RNF145: variants seen among roughly 807,000 people sequenced by gnomAD.
The protein encoded by RNF145 is ring finger protein 145.
Under a neutral mutation model 57.3 loss-of-function variants are expected in RNF145, and 12 were observed. The observed-to-expected ratio is 0.21, with a 90% CI of 0.13 to 0.34. The LOEUF (loss-of-function observed/expected upper bound fraction) is 0.34, where lower values mean the gene tolerates loss of function less well. Among genes scored for constraint, RNF145 ranks in the 10% least tolerant of loss-of-function variants. The pLI, the probability that RNF145 is intolerant of heterozygous loss-of-function variation, is 1.00. For synonymous variants in RNF145, 262 were observed against 288.3 expected (o/e 0.91, Z 0.92); for missense variants, 429 against 799.0 (o/e 0.54, Z 5.58).
upstream of RNF145, chr5:159,209,734 G>C: frequency 8.9e-7 from 1 of 1,129,628 alleles, no homozygotes; most frequent in East Asian, 2.6e-5. Flanking sequence ...GGCTCGGGTG[G>C]CTATGGAGAG....
chr5:159,208,241 G>A, intron 1 of RNF145: 2 of 996,108 alleles, frequency 2.0e-6, no homozygotes, highest in Non-Finnish European at 2.7e-6. Context: ...CCGCCGCCGC[G>A]GGGCTAAGAG....
intron 4 of RNF145, among the ~76,000 whole-genome samples, chr5:159,178,761 T>TA (rs1464902638): frequency 6.6e-6 from 1 of 151,950 alleles, no homozygotes; most frequent in Non-Finnish European, 1.5e-5. Flanking sequence ...TTCCAAAATG[T>TA]AAAAAAATCA....
At chr5:159,200,137 C>A (rs1785612266) in intron 2 of RNF145, among the ~76,000 whole-genome samples, 1 of 151,850 alleles carries the variant, frequency 6.6e-6, no homozygotes, top group Non-Finnish European at 1.5e-5. Flanking sequence ...CCACCTGCCC[C>A]CAAAATTAGT....
chr5:159,204,491 T>G (rs755086338), intron 1 of RNF145, among the ~76,000 whole-genome samples: 3 of 151,858 alleles, frequency 2.0e-5, no homozygotes, highest in Admixed American at 6.6e-5. Context: ...GAACTTCAAA[T>G]TAATCCAAAA....
At chr5:159,200,302 C>A (rs1189041412) in intron 2 of RNF145, among the ~76,000 whole-genome samples, 1 of 151,790 alleles carries the variant, frequency 6.6e-6, no homozygotes, top group Non-Finnish European at 1.5e-5. Context: ...AAGGGACTAA[C>A]CCTGTTAGAC....
intron 3 of RNF145, among the ~76,000 whole-genome samples, chr5:159,187,629 T>A (rs1020536828): frequency 6.6e-6 from 1 of 152,130 alleles, no homozygotes; most frequent in Non-Finnish European, 1.5e-5. Context: ...TCCCGGCCTA[T>A]CTATAGTAGT....
chr5:159,168,466 T>G (rs532704684), intron 8 of RNF145, among the ~76,000 whole-genome samples: 2 of 152,296 alleles, frequency 1.3e-5, no homozygotes, highest in South Asian at 2.1e-4. Flanking sequence ...CATTTGCATT[T>G]CACTTAATGC....
At chr5:159,175,836 G>C (rs1784704544) in intron 5 of RNF145, among the ~76,000 whole-genome samples, 2 of 152,130 alleles carry the variant, frequency 1.3e-5, no homozygotes, top group South Asian at 4.1e-4. Context: ...TGTACCTTAA[G>C]GACACAGTCA....
intron 2 of RNF145, among the ~76,000 whole-genome samples, chr5:159,202,798 A>AT (rs1785715539): frequency 6.6e-6 from 1 of 152,100 alleles, no homozygotes; most frequent in Non-Finnish European, 1.5e-5. Flanking sequence ...TTCTAGGTAA[A>AT]TTTTATCTGT....
chr5:159,169,111 CAA>C, intron 7 of RNF145, 56 bp from the exon 8 acceptor site: 1 of 1,335,966 alleles, frequency 7.5e-7, no homozygotes, highest in Non-Finnish European at 1.0e-6. Context: ...TCATTTAATT[CAA>C]AGAGAAAAAT....
chr5:159,208,881 C>A (rs1327817403), intron 1 of RNF145, among the ~76,000 whole-genome samples: 1 of 148,228 alleles, frequency 6.7e-6, no homozygotes, highest in East Asian at 2.1e-4. Flanking sequence ...TGTAAGGGAG[C>A]GCTCCAGGCC....
intron 5 of RNF145, among the ~76,000 whole-genome samples, chr5:159,174,863 AT>A (rs1232809197): frequency 6.6e-6 from 1 of 152,170 alleles, no homozygotes; most frequent in African/African-American, 2.4e-5. Context: ...TATGAAACTG[AT>A]TAGGAAAAAT....
rs925518219 is a variant in RNF145 at position 159,201,486 on chromosome 5, G to A, written c.184+1948C>T. ...TCAATAAATTATGGTATATCCATAC[G>A]AAGATACTATGCCAACGTAAAATGC... On this transcript the variant is annotated intron_variant, in intron 2 of 10. Coordinates refer to ENST00000424310, the MANE Select transcript of RNF145 (RefSeq NM_001199383.2). 2.6e-5 allele frequency among the ~76,000 whole-genome samples: 4 copies of A among 152,158 alleles called. No homozygotes were observed. In the South Asian group the frequency reaches 6.2e-4, roughly 24 times the overall value.
intron 8 of RNF145, among the ~76,000 whole-genome samples, chr5:159,166,349 CCATT>C (rs1486559800): frequency 6.6e-6 from 1 of 152,180 alleles, no homozygotes; most frequent in Non-Finnish European, 1.5e-5. Flanking sequence ...TTAAAAACTG[CCATT>C]AATTCTAATA....
intron 3 of RNF145, 71 bp downstream of exon 3, chr5:159,194,644 GA>G: frequency 1.0e-6 from 1 of 991,868 alleles, no homozygotes. Context: ...CAGTGTTCAT[GA>G]AAAGTATTTT....
chr5:159,180,592 T>C (rs748906809), intron 4 of RNF145, among the ~76,000 whole-genome samples: 1 of 152,174 alleles, frequency 6.6e-6, no homozygotes, highest in Non-Finnish European at 1.5e-5. Context: ...AGAATTATAA[T>C]GTAAGCCAAA....
Position 159,168,882 on chromosome 5 carries a change from G to T in RNF145, c.1112C>A (p.Ser371Tyr). The part of the protein sequence containing the change: ...ADPIVLALGA[S>Y]RDKSLWKHFR... ...TTAAGAGGTTTCTTACTTGTCTCTAGATGCTCCCAGTGCCAAAACAATAGG... is the reference window on the plus strand; with the variant it reads ...TTAAGAGGTTTCTTACTTGTCTCTATATGCTCCCAGTGCCAAAACAATAGG... Residue 371 changes from serine (S) to tyrosine (Y), a missense_variant, in exon 8 of 11, where the codon TCT becomes TAT. Ser to Tyr is a moderately radical substitution (Grantham distance 144, BLOSUM62 -2). Coordinates refer to ENST00000424310, the MANE Select transcript of RNF145 (RefSeq NM_001199383.2). 6.4e-7 allele frequency: 1 copy of T among 1,552,156 alleles called. No individual in the cohort carries two copies. Among genetic ancestry groups the T allele is most frequent in the Non-Finnish European group, 8.7e-7 (1 of 1,155,104 alleles).
intron 10 of RNF145, among the ~76,000 whole-genome samples, chr5:159,160,800 G>A (rs1398235122): frequency 6.6e-6 from 1 of 152,016 alleles, no homozygotes; most frequent in Non-Finnish European, 1.5e-5. Flanking sequence ...TTGTACCCTC[G>A]GATACTTAGC....
At chr5:159,184,039 G>A (rs993718548) in intron 3 of RNF145, among the ~76,000 whole-genome samples, 3 of 152,138 alleles carry the variant, frequency 2.0e-5, no homozygotes, top group Non-Finnish European at 4.4e-5. Flanking sequence ...TATCCCCAAG[G>A]AGAAAGCCAC....
Sources: gnomAD v4.1 joint callset for allele counts (sites outside exome capture counted in the v4.1 genomes callset) on GRCh38, gnomAD v4.1.1 for gene constraint, MANE v1.5 for transcripts, NCBI Gene and HGNC (gene_info 2026-07-23, HGNC 2026-07-21) for gene names.